The following ATAT1 variants were observed in gnomAD, a reference collection of about 807,000 sequenced individuals.
ATAT1 encodes the protein alpha tubulin acetyltransferase 1, also known as alpha-tubulin N-acetyltransferase 1.
ATAT1 carries 42 observed loss-of-function variants against 57.2 expected under a neutral mutation model. That is an observed-to-expected ratio of 0.73 (90% CI 0.57 to 0.95). The LOEUF (loss-of-function observed/expected upper bound fraction) is 0.95. Ranked by LOEUF, ATAT1 falls within the 40% of genes least tolerant of loss-of-function variation. The pLI is 0.00. For synonymous variants in ATAT1, 168 were observed against 187.1 expected (o/e 0.90, Z 0.83); for missense variants, 454 against 523.7 (o/e 0.87, Z 1.30).
chr6:30,642,832 A>ACCCCCCCCCCCCCCCC lies in ATAT1; in HGVS notation c.753_754insCCCCCCCCCCCCCCCC (p.Ala252ProfsTer53). ...GGGCCCCTCGCCGCGCCACACCTCC[A>ACCCCCCCCCCCCCCCC]GCCCACCCACCCCCCCGCTCCAGCA... is the stretch of plus-strand genomic sequence containing the variant. On this transcript the variant is annotated frameshift_variant, in exon 10 of 13. Coordinates refer to ENST00000330083, the MANE Select transcript of ATAT1 (RefSeq NM_001031722.4). LOFTEE classifies it high-confidence loss of function. The ACCCCCCCCCCCCCCCC allele has an allele frequency of 8.1e-7, 1 of 1,230,748 alleles. No homozygotes were observed. The highest frequency in any genetic ancestry group is 1.2e-5 in the South Asian group (1 of 82,750). The allele number at this position is 1,230,748 out of a possible 1,614,324, so 76.2% of individuals were successfully genotyped here.
intron 6 of ATAT1, among the ~76,000 whole-genome samples, chr6:30,634,401 C>T (rs1016604184): frequency 1.3e-5 from 2 of 151,792 alleles, no homozygotes; most frequent in Non-Finnish European, 2.9e-5. Flanking sequence ...CAGGCGCCCG[C>T]CACCACACCC....
intron 6 of ATAT1, among the ~76,000 whole-genome samples, chr6:30,638,495 C>G (rs1431336761): frequency 1.3e-5 from 2 of 151,922 alleles, no homozygotes; most frequent in African/African-American, 2.4e-5. Flanking sequence ...GTCTCGAACT[C>G]CTGACCTCAA....
At chr6:30,644,669 CAAAA>C in intron 10 of ATAT1, 1 of 876,342 alleles carries the variant, frequency 1.1e-6, no homozygotes, top group South Asian at 5.2e-5. Context: ...AAAAGAATCA[CAAAA>C]AAAAAAGTTG....
At chr6:30,637,664 CAG>C (rs1380049642) in intron 6 of ATAT1, among the ~76,000 whole-genome samples, 2 of 148,368 alleles carry the variant, frequency 1.3e-5, no homozygotes, top group Non-Finnish European at 3.0e-5. Flanking sequence ...GCATGGGCAA[CAG>C]AGTGAGATTC....
chr6:30,641,249 G>A (rs899099295), intron 8 of ATAT1, among the ~76,000 whole-genome samples: 5 of 152,132 alleles, frequency 3.3e-5, no homozygotes. Flanking sequence ...CCCCCTTCCT[G>A]AGCTGGCTCT....
intron 7 of ATAT1, 21 bp from the exon 8 acceptor site, chr6:30,640,514 C>G: frequency 6.2e-7 from 1 of 1,612,930 alleles, no homozygotes; most frequent in Non-Finnish European, 8.5e-7. Context: ...CTGAGGGGCC[C>G]CGCCGCTTCC....
chr6:30,629,810 C>A lies in ATAT1; in HGVS notation c.501+1380C>A, dbSNP rs139805114. 8.1e-3 allele frequency among the ~76,000 whole-genome samples: 1,233 copies of A among 152,328 alleles called. 13 individuals are homozygous for A. The highest frequency in any genetic ancestry group is 0.026 in the African/African-American group (1,091 of 41,570). ...CTGCCCGCCTCGGCCTCCCAAAGTG[C>A]TGGGATTACAGGCGTGAGCCACCGT... On this transcript the variant is annotated intron_variant, in intron 6 of 12. Transcript: ENST00000330083.
In ATAT1 at chr6:30,645,954, A is replaced by T; in HGVS notation, c.992A>T (p.Asn331Ile). The T allele has an allele frequency of 6.5e-7, 1 of 1,543,080 alleles. No homozygotes were observed. Residue 331 changes from asparagine (N) to isoleucine (I), a missense_variant, in exon 11 of 13, where the codon AAT becomes ATT. Physicochemically the swap from Asn to Ile is moderately radical, Grantham distance 149 (BLOSUM62 -3). Around this residue, in one of 3 missense-constraint regions of ATAT1, gnomAD observed 216 missense variants for 222.2 expected, o/e 0.97. Coordinates refer to ENST00000330083, the MANE Select transcript of ATAT1 (RefSeq NM_001031722.4). ...TGCTACAGCCGCCATGGGGGGGTGA[A>T]TTCCTCATCCCCCAATACAGGTAAG...
intron 10 of ATAT1, chr6:30,643,797 T>C (rs1766055366): frequency 7.4e-7 from 1 of 1,346,242 alleles, no homozygotes; most frequent in Non-Finnish European, 9.5e-7. Context: ...GGGCTCTGAA[T>C]ACTTTCCCAA....
chr6:30,640,928 G>A (rs1765275195), intron 8 of ATAT1, among the ~76,000 whole-genome samples: 2 of 152,092 alleles, frequency 1.3e-5, no homozygotes, highest in Admixed American at 1.3e-4. Context: ...GGGACAGGCT[G>A]GTGCAAACAG....
chr6:30,629,998 G>A (rs957982045), intron 6 of ATAT1, among the ~76,000 whole-genome samples: 1 of 152,186 alleles, frequency 6.6e-6, no homozygotes, highest in African/African-American at 2.4e-5. Flanking sequence ...ATATAGGGAA[G>A]GAAGTCTTGT....
intron 8 of ATAT1, chr6:30,641,819 G>T: frequency 9.2e-7 from 1 of 1,092,190 alleles, no homozygotes; most frequent in Non-Finnish European, 1.1e-6. Flanking sequence ...GCCCGGCTGG[G>T]ACCATTCCAC....
chr6:30,640,604 G>C lies in ATAT1; in HGVS notation c.616+1G>C. The C allele has an allele frequency of 6.2e-7, 1 of 1,612,730 alleles. No homozygotes were observed. Among genetic ancestry groups the C allele is most frequent in the South Asian group, 1.1e-5 (1 of 91,074 alleles). On this transcript the variant is annotated splice_donor_variant, in intron 8 of 12. Coordinates refer to ENST00000330083, the MANE Select transcript of ATAT1 (RefSeq NM_001031722.4). LOFTEE classifies it high-confidence loss of function. The stretch of plus-strand genomic sequence containing the variant: ...GCTGCAGTCGATCCCACGCCCGCTG[G>C]TAAAGCCTGTATTGAAGGGGTGGAA...
intron 5 of ATAT1, 53 bp from the exon 6 acceptor site, chr6:30,628,276 T>C (rs1762098443): frequency 1.3e-6 from 2 of 1,575,876 alleles, no homozygotes; most frequent in African/African-American, 2.7e-5. Flanking sequence ...TGGCTTCCTG[T>C]TGGCATGCTT....
chr6:30,627,348 A>C (rs1761899684), intron 1 of ATAT1, 112 bp from the exon 2 acceptor site: 3 of 1,609,592 alleles, frequency 1.9e-6, no homozygotes, highest in Non-Finnish European at 1.7e-6. Context: ...AAAGGCAGGG[A>C]GCCTTCAGTG....
At chr6:30,637,433 C>T (rs765610024) in intron 6 of ATAT1, among the ~76,000 whole-genome samples, 3 of 151,324 alleles carry the variant, frequency 2.0e-5, no homozygotes, top group East Asian at 1.9e-4. Context: ...TGCAGTGGCA[C>T]GATCACGGCT....
chr6:30,643,509 T>C (rs1388848199), intron 10 of ATAT1: 7 of 1,548,894 alleles, frequency 4.5e-6, no homozygotes, highest in Non-Finnish European at 6.1e-6. Flanking sequence ...CTTCCTCCCA[T>C]CCATAACATC....
In ATAT1 at chr6:30,627,440, TATTTC is replaced by T. The variant is rs1446436103; in HGVS notation, c.72-19_72-15del. On this transcript the variant is annotated splice_polypyrimidine_tract_variant and intron_variant, in intron 1 of 12. Coordinates refer to ENST00000330083, the MANE Select transcript of ATAT1 (RefSeq NM_001031722.4). ...CTAATTTAGTGAGTATCTGACTCTT[TATTTC>T]TTCTCTTTCTCTAGTGTTGATCTAC... 1 of 1,611,494 alleles carries T rather than the reference TATTTC, an allele frequency of 6.2e-7. No individual in the cohort carries two copies.
intron 6 of ATAT1, among the ~76,000 whole-genome samples, chr6:30,631,699 A>C (rs1477695433): frequency 1.3e-5 from 2 of 152,000 alleles, no homozygotes; most frequent in Non-Finnish European, 2.9e-5. Context: ...GGATTGCTTA[A>C]GCCCAGGAGG....
Sources: gnomAD v4.1 joint callset for allele counts (sites outside exome capture counted in the v4.1 genomes callset) on GRCh38, gnomAD v4.1.1 for gene constraint, gnomAD v4.1.1 regional missense constraint, MANE v1.5 for transcripts, NCBI Gene and HGNC (gene_info 2026-07-23, HGNC 2026-07-21) for gene names.